LIN54: variants seen among roughly 807,000 people sequenced by gnomAD.
LIN54 encodes the protein lin-54 DREAM MuvB core complex component.
A neutral mutation model predicts 78.7 loss-of-function variants in LIN54; 9 were observed. That is an observed-to-expected ratio of 0.11 (90% CI 0.07 to 0.20). The LOEUF is 0.20. LIN54 is among the 10% of genes least tolerant of loss of function. The pLI, the probability that LIN54 is intolerant of heterozygous loss-of-function variation, is 1.00. For synonymous variants in LIN54, 269 were observed against 318.4 expected (o/e 0.84, Z 1.65); for missense variants, 573 against 889.9 (o/e 0.64, Z 4.53).
At chr4:82,970,678 A>C (rs569404248) in intron 3 of LIN54, among the ~76,000 whole-genome samples, 1 of 152,330 alleles carries the variant, frequency 6.6e-6, no homozygotes, top group East Asian at 1.9e-4. Context: ...GCTTACATTA[A>C]ACTCTACAAA....
chr4:82,927,858 C>G lies in LIN54; in HGVS notation c.*244G>C. The G allele has an allele frequency of 2.5e-6, 1 of 402,626 alleles. No homozygotes were observed. The highest frequency in any genetic ancestry group is 4.4e-6 in the Non-Finnish European group (1 of 227,602). The allele number at this position is 402,626 out of a possible 1,614,324, so 24.9% of individuals were successfully genotyped here. A position where few individuals can be genotyped will look rare whatever the true frequency, so the allele number is the denominator to read the frequency against. On this transcript the variant is annotated 3_prime_UTR_variant, in exon 13 of 13. Coordinates refer to ENST00000340417, the MANE Select transcript of LIN54 (RefSeq NM_194282.4). ...ACATCTAATTCTTAAGAAACCCAAG[C>G]AAATTAAAAAATCTATATAATAAAG...
intron 2 of LIN54, among the ~76,000 whole-genome samples, chr4:82,982,377 C>T (rs565578982): frequency 5.3e-5 from 8 of 152,166 alleles, no homozygotes; most frequent in African/African-American, 1.2e-4. Context: ...CGCAAGTGTG[C>T]GCCACCATGC....
At chr4:82,981,690 T>C (rs529702163) in intron 2 of LIN54, among the ~76,000 whole-genome samples, 5 of 151,894 alleles carry the variant, frequency 3.3e-5, no homozygotes, top group Non-Finnish European at 5.9e-5. Context: ...CTTTTTATTG[T>C]TTTTTTTAAT....
Position 82,984,237 on chromosome 4 carries a change from A to C in LIN54, c.608T>G (p.Leu203Trp), listed in dbSNP as rs770188452. 6.2e-7 allele frequency: 1 copy of C among 1,614,158 alleles called. No homozygotes were observed. The highest frequency in any genetic ancestry group is 1.7e-5 in the Admixed American group (1 of 60,016). ...EVKPVIGVSA[L>W]TPGSQLINTT... ...ATTAATCAGTTGACTTCCTGGGGTCAATGCTGAGACACCAATGACAGGTTT... is the reference window on the plus strand; with the variant it reads ...ATTAATCAGTTGACTTCCTGGGGTCCATGCTGAGACACCAATGACAGGTTT... The change falls in exon 2 of 13, where the codon TTG becomes TGG. Residue 203 changes from leucine to tryptophan, a missense_variant. Physicochemically the swap from Leu to Trp is moderately conservative, Grantham distance 61 (BLOSUM62 -2). Coordinates refer to ENST00000340417, the MANE Select transcript of LIN54 (RefSeq NM_194282.4).
chr4:82,929,298 T>C (rs1721751043), intron 12 of LIN54, among the ~76,000 whole-genome samples: 1 of 152,132 alleles, frequency 6.6e-6, no homozygotes, highest in Admixed American at 6.5e-5. Context: ...TATAATTTTG[T>C]TTTCATATTG....
intron 1 of LIN54, among the ~76,000 whole-genome samples, chr4:82,999,866 A>C (rs1375049160): frequency 2.0e-5 from 3 of 151,244 alleles, no homozygotes; most frequent in Non-Finnish European, 4.4e-5. Flanking sequence ...ATCATTGAGG[A>C]GAATGGATAT....
In LIN54 at chr4:83,010,765, G is replaced by A; in HGVS notation, c.-314C>T. 1 of 1,227,166 alleles carries A rather than the reference G, an allele frequency of 8.1e-7. No homozygotes were observed. 76.0% of individuals were successfully genotyped at this position (1,227,166 alleles called of 1,614,324 possible). ...TTTTCACCTCGTCATCACCATCACAGCTCAGCAGCTTCCCCGACAGCCGGA... is the reference window on the plus strand; with the variant it reads ...TTTTCACCTCGTCATCACCATCACAACTCAGCAGCTTCCCCGACAGCCGGA... On this transcript the variant is annotated 5_prime_UTR_variant, in exon 1 of 13. Transcript: ENST00000340417.
In LIN54 at chr4:82,988,369, C is replaced by T. The variant is rs143769999; in HGVS notation, c.-32-3493G>A. Among the ~76,000 whole-genome samples the T allele has an allele frequency of 1.9e-4, 29 of 152,220 alleles. No individual in the cohort carries two copies. In the East Asian group the frequency reaches 5.0e-3, roughly 26 times the overall value. On this transcript the variant is annotated intron_variant, in intron 1 of 12. Transcript: ENST00000340417. ...TTATTAGTAGTTCTATTCCTTTTTA[C>T]TGCTGAGTAATATTCCATTGTACAA...
At position 82,984,245 on chromosome 4, in the gene LIN54, G is replaced by A. The variant is rs147521985; in HGVS notation, c.600C>T (p.Val200=). The A allele has an allele frequency of 2.0e-4, 317 of 1,614,014 alleles. No homozygotes were observed. Among genetic ancestry groups the A allele is most frequent in the Admixed American group, 3.0e-4 (18 of 59,994 alleles). ...GRPEVKPVIG[V]SALTPGSQLI... is the part of the protein sequence containing the mutation. ...GTTGACTTCCTGGGGTCAATGCTGA[G>A]ACACCAATGACAGGTTTCACCTCTG... The change falls in exon 2 of 13, where the codon GTC becomes GTT. Residue 200 remains valine (V), a synonymous_variant. Coordinates refer to ENST00000340417, the MANE Select transcript of LIN54 (RefSeq NM_194282.4).
At chr4:82,983,979 T>C (rs1045820774) in intron 2 of LIN54, among the ~76,000 whole-genome samples, 182 bp downstream of exon 2, 8 of 152,224 alleles carry the variant, frequency 5.3e-5, no homozygotes, top group African/African-American at 1.9e-4. Flanking sequence ...AGTTATCTGG[T>C]AAAAATTTTC....
At chr4:82,967,508 GTAGA>G (rs895993352) in intron 4 of LIN54, among the ~76,000 whole-genome samples, 1 of 152,236 alleles carries the variant, frequency 6.6e-6, no homozygotes, top group Non-Finnish European at 1.5e-5. Context: ...CACTGGCCAT[GTAGA>G]TGCTGCAGAA....
intron 4 of LIN54, among the ~76,000 whole-genome samples, chr4:82,956,353 T>TA (rs11464761): frequency 0.75 from 97,013 of 128,816 alleles, 33,097 homozygotes; most frequent in Admixed American, 0.81. Context: ...CCGTCTCAAC[T>TA]AAAAAAAAAA....
intron 1 of LIN54, among the ~76,000 whole-genome samples, chr4:82,986,801 C>A (rs1422723116): frequency 6.6e-6 from 1 of 151,298 alleles, no homozygotes; most frequent in Admixed American, 6.6e-5. Flanking sequence ...CTACTACCAC[C>A]AAAATAAACC....
intron 2 of LIN54, among the ~76,000 whole-genome samples, chr4:82,981,004 TAAC>T: frequency 6.6e-6 from 1 of 152,302 alleles, no homozygotes; most frequent in East Asian, 1.9e-4. Context: ...CTGAAAATAA[TAAC>T]TTTTGGTTCC....
In LIN54 at chr4:82,988,191, G is replaced by A. The variant is rs370244685; in HGVS notation, c.-32-3315C>T. Among the ~76,000 whole-genome samples the A allele has an allele frequency of 5.7e-4, 87 of 152,152 alleles. 4 individuals carry two copies. In the South Asian group the frequency reaches 0.013, roughly 23 times the overall value. ...CATAAATGTTTCTTTTGAGAAGTGG[G>A]TCTGTTCTATCACTAAAGATTATTT... On this transcript the variant is annotated intron_variant, in intron 1 of 12. Transcript: ENST00000340417.
chr4:82,925,699 GA>G lies in LIN54; in HGVS notation c.*2402del, dbSNP rs1220404706. ...AATAAAGTGGTGTTATTATACTAAAGAAAAAATGCAAAACCTTTTTTACAGA... is the reference window on the plus strand; with the variant it reads ...AATAAAGTGGTGTTATTATACTAAAGAAAAATGCAAAACCTTTTTTACAGA... On this transcript the variant is annotated 3_prime_UTR_variant, in exon 13 of 13. Transcript: ENST00000340417. 2 of 152,522 alleles carry G rather than the reference GA, an allele frequency of 1.3e-5. No individual in the cohort carries two copies. 9.4% of individuals were successfully genotyped at this position (152,522 alleles called of 1,614,324 possible). A position where few individuals can be genotyped will look rare whatever the true frequency, so the allele number is the denominator to read the frequency against.
At chr4:82,999,937 G>T (rs13112803) in intron 1 of LIN54, among the ~76,000 whole-genome samples, 2 of 152,024 alleles carry the variant, frequency 1.3e-5, no homozygotes, top group African/African-American at 4.8e-5. Context: ...CTGTCACCCA[G>T]ACTGGAGTGC....
intron 4 of LIN54, among the ~76,000 whole-genome samples, chr4:82,969,694 T>G (rs567095055): frequency 6.6e-6 from 1 of 152,236 alleles, no homozygotes; most frequent in African/African-American, 2.4e-5. Context: ...AAAATAATAA[T>G]GCTTGGCTTT....
At chr4:82,981,475 C>G (rs1253980350) in intron 2 of LIN54, among the ~76,000 whole-genome samples, 1 of 151,924 alleles carries the variant, frequency 6.6e-6, no homozygotes, top group African/African-American at 2.4e-5. Context: ...CTGACAACTA[C>G]CTAGGGGGAA....
Sources: gnomAD v4.1 joint callset for allele counts (sites outside exome capture counted in the v4.1 genomes callset) on GRCh38, gnomAD v4.1.1 for gene constraint, MANE v1.5 for transcripts, NCBI Gene and HGNC (gene_info 2026-07-23, HGNC 2026-07-21) for gene names.